The following TENM2 variants were observed in gnomAD, a reference collection of about 807,000 sequenced individuals.
TENM2 encodes the protein teneurin-2.
In TENM2, 52 loss-of-function variants were observed where a neutral mutation model predicts 245.2. The ratio of observed to expected loss-of-function variants is 0.21; its 90% CI spans 0.17 to 0.27. The LOEUF is 0.27. TENM2 is among the 10% of genes least tolerant of loss of function. TENM2 has a pLI of 1.00. For missense variants in TENM2, 3,046 were observed against 3,666.8 expected, an observed-to-expected ratio of 0.83 and a Z score of 4.37; for synonymous variants, 1,363 against 1,438.9, an observed-to-expected ratio of 0.95 and a Z score of 1.19.
chr5:167,329,217 A>G (rs777462590), intron 1 of TENM2, among the ~76,000 whole-genome samples: 1 of 152,100 alleles, frequency 6.6e-6, no homozygotes, highest in African/African-American at 2.4e-5. Context: ...ACATGGTCTT[A>G]TGGAGAGTTA....
the TENM2 span, among the ~76,000 whole-genome samples, chr5:167,044,028 GTAAGGACA>G: frequency 0.07 from 3,193 of 45,672 alleles, 172 homozygotes; most frequent in African/African-American, 0.33. Flanking sequence ...CAAATAAATA[GTAAGGACA>G]GAAGGAAGGA....
intron 13 of TENM2, among the ~76,000 whole-genome samples, chr5:168,169,792 A>G (rs1758636121): frequency 6.6e-6 from 1 of 152,150 alleles, no homozygotes. Context: ...AATCGTGTTG[A>G]TGGATTGGTT....
At chr5:167,133,673 C>T in the TENM2 span, among the ~76,000 whole-genome samples, 6 of 149,034 alleles carry the variant, frequency 4.0e-5, no homozygotes, top group South Asian at 1.3e-3. Context: ...AAATCCCTTT[C>T]CTGCTGGATT....
At chr5:168,163,891 A>G (rs937285553) in intron 13 of TENM2, among the ~76,000 whole-genome samples, 3 of 152,226 alleles carry the variant, frequency 2.0e-5, no homozygotes, top group South Asian at 2.1e-4. Context: ...TGCTTAGCCT[A>G]GATGGGTCCT....
chr5:167,319,802 A>C (rs2127768625), intron 1 of TENM2, among the ~76,000 whole-genome samples: 1 of 152,360 alleles, frequency 6.6e-6, no homozygotes, highest in African/African-American at 2.4e-5. Flanking sequence ...TTATATTCAA[A>C]CCTACCTAGA....
the TENM2 span, among the ~76,000 whole-genome samples, chr5:167,040,035 C>A: frequency 1.3e-5 from 2 of 152,124 alleles, no homozygotes; most frequent in Non-Finnish European, 2.9e-5. Context: ...TTCTGTCTGG[C>A]AGCAGAAATA....
chr5:167,502,526 G>T (rs1482814866), intron 2 of TENM2, among the ~76,000 whole-genome samples: 2 of 152,046 alleles, frequency 1.3e-5, no homozygotes, highest in South Asian at 2.1e-4. Flanking sequence ...ATATAGAAAA[G>T]CTTGGTTATT....
chr5:167,144,166 A>C, the TENM2 span, among the ~76,000 whole-genome samples: 7 of 152,172 alleles, frequency 4.6e-5, no homozygotes, highest in African/African-American at 1.7e-4. Flanking sequence ...TGAAAAAAAA[A>C]AATTGTTAAA....
intron 4 of TENM2, among the ~76,000 whole-genome samples, chr5:167,970,209 C>T (rs530444785): frequency 6.6e-6 from 1 of 152,348 alleles, no homozygotes; most frequent in East Asian, 1.9e-4. Context: ...GTTTCACTGA[C>T]TAACTTCTGC....
chr5:168,257,284 G>T (rs531387305), intron 27 of TENM2, among the ~76,000 whole-genome samples: 4 of 152,126 alleles, frequency 2.6e-5, no homozygotes, highest in Admixed American at 6.6e-5. Context: ...GTGGGGATGG[G>T]GGGTGGCAGT....
At chr5:167,878,564 T>C (rs1382652229) in intron 3 of TENM2, among the ~76,000 whole-genome samples, 1 of 113,906 alleles carries the variant, frequency 8.8e-6, no homozygotes, top group Non-Finnish European at 1.9e-5. Context: ...AGTATGCGTG[T>C]GCTCACGTCT....
At chr5:168,103,084 A>G (rs1265775392) in intron 9 of TENM2, among the ~76,000 whole-genome samples, 2 of 127,540 alleles carry the variant, frequency 1.6e-5, no homozygotes, top group Admixed American at 9.5e-5. Context: ...TCCTGTGTCC[A>G]TGTGTTCTCA....
rs532570696 is a variant in TENM2 at position 167,734,420 on chromosome 5, G to A, written c.503-141566G>A. ...GTTAAAATCTAAAAAGCAGGCAAAA[G>A]GGTTGCATCTTTTAAATAAATATAA... On this transcript the variant is annotated intron_variant, in intron 2 of 28. Transcript: ENST00000518659. 4.0e-5 allele frequency among the ~76,000 whole-genome samples: 6 copies of A among 150,050 alleles called. No individual in the cohort carries two copies. In the South Asian group the frequency reaches 1.3e-3, roughly 32 times the overall value.
the TENM2 span, among the ~76,000 whole-genome samples, chr5:167,028,255 C>T: frequency 2.6e-5 from 4 of 152,022 alleles, no homozygotes; most frequent in Non-Finnish European, 4.4e-5. Flanking sequence ...GTCACCATAA[C>T]ATTTAAGTTG....
chr5:167,479,894 T>C (rs1292500163), intron 2 of TENM2, among the ~76,000 whole-genome samples: 1 of 152,194 alleles, frequency 6.6e-6, no homozygotes, highest in Non-Finnish European at 1.5e-5. Context: ...TGGGCCATTT[T>C]AACATTTTAA....
At chr5:168,069,768 C>T (rs150532123) in intron 7 of TENM2, among the ~76,000 whole-genome samples, 101 of 152,192 alleles carry the variant, frequency 6.6e-4, no homozygotes, top group East Asian at 2.9e-3. Context: ...TACAGTACAA[C>T]GTAAACACAA....
intron 2 of TENM2, among the ~76,000 whole-genome samples, chr5:167,623,269 TC>T (rs1417482608): frequency 6.6e-6 from 1 of 152,190 alleles, no homozygotes; most frequent in Non-Finnish European, 1.5e-5. Flanking sequence ...TATTATTATT[TC>T]CGTTGTCCTG....
the TENM2 span, among the ~76,000 whole-genome samples, chr5:167,056,612 A>AAT: frequency 6.8e-6 from 1 of 146,542 alleles, no homozygotes; most frequent in Non-Finnish European, 1.5e-5. Context: ...TATCTATATA[A>AAT]ATATATCTAT....
intron 2 of TENM2, among the ~76,000 whole-genome samples, chr5:167,559,762 C>T (rs1252821428): frequency 1.3e-5 from 2 of 152,080 alleles, no homozygotes; most frequent in African/African-American, 4.8e-5. Context: ...TCTTCTCTTC[C>T]AAAAGTATGA....
Sources: allele counts gnomAD v4.1 joint callset (sites outside exome capture counted in the v4.1 genomes callset), GRCh38; gene constraint gnomAD v4.1.1; transcripts MANE v1.5; gene names NCBI Gene and HGNC (gene_info 2026-07-23, HGNC 2026-07-21).